The following MNAT1 variants were observed in gnomAD, a reference collection of about 807,000 sequenced individuals.
MNAT1 encodes the protein MNAT1 component of CDK activating kinase.
A neutral mutation model predicts 42.0 loss-of-function variants in MNAT1; 43 were observed. That is an observed-to-expected ratio of 1.02 (90% CI 0.80 to 1.32). The LOEUF is 1.32. MNAT1 is among the 40% of genes most tolerant of loss of function. The pLI is 0.00. For synonymous variants in MNAT1, 118 were observed against 120.0 expected, an observed-to-expected ratio of 0.98 and a Z score of 0.11; for missense variants, 306 against 350.4, an observed-to-expected ratio of 0.87 and a Z score of 1.01.
intron 6 of MNAT1, among the ~76,000 whole-genome samples, chr14:60,875,605 A>T (rs2034420482): frequency 6.6e-6 from 1 of 152,140 alleles, no homozygotes; most frequent in Non-Finnish European, 1.5e-5. Flanking sequence ...AGATATACAT[A>T]CAAAACCCTT....
At chr14:60,952,743 G>A (rs2036407992) in intron 7 of MNAT1, among the ~76,000 whole-genome samples, 1 of 152,096 alleles carries the variant, frequency 6.6e-6, no homozygotes, top group African/African-American at 2.4e-5. Flanking sequence ...TAAACATATT[G>A]GACTATAATT....
chr14:60,876,160 A>G (rs995262945), intron 6 of MNAT1, among the ~76,000 whole-genome samples: 1 of 152,004 alleles, frequency 6.6e-6, no homozygotes, highest in Non-Finnish European at 1.5e-5. Flanking sequence ...AAAATATCCC[A>G]CTCAGGCACT....
intron 6 of MNAT1, among the ~76,000 whole-genome samples, chr14:60,841,666 T>C (rs1364625912): frequency 6.6e-6 from 1 of 152,252 alleles, no homozygotes; most frequent in East Asian, 1.9e-4. Context: ...TACATATTTC[T>C]GTCTTTTTGG....
chr14:60,865,455 G>C (rs905059461), intron 6 of MNAT1, among the ~76,000 whole-genome samples: 1 of 152,030 alleles, frequency 6.6e-6, no homozygotes, highest in Non-Finnish European at 1.5e-5. Context: ...AATTTCTTGC[G>C]AATACTGTTT....
At chr14:60,885,800 T>G (rs2034655684) in intron 7 of MNAT1, among the ~76,000 whole-genome samples, 1 of 152,080 alleles carries the variant, frequency 6.6e-6, no homozygotes, top group Admixed American at 6.6e-5. Flanking sequence ...TTTTCAGTTT[T>G]GTTGCGTATT....
chr14:60,962,922 T>C (rs2036621294), intron 7 of MNAT1, among the ~76,000 whole-genome samples: 4 of 152,226 alleles, frequency 2.6e-5, no homozygotes. Flanking sequence ...AAGAGTAACA[T>C]ATGACTGCCT....
At chr14:60,917,575 A>G (rs182126075) in intron 7 of MNAT1, among the ~76,000 whole-genome samples, 2 of 151,804 alleles carry the variant, frequency 1.3e-5, no homozygotes, top group East Asian at 1.9e-4. Context: ...TGTTGAATCC[A>G]TATTTCAAAT....
rs376483094 is a variant in MNAT1, at chr14:60,897,766, GGCTA to G, written c.809+17932_809+17935del. ...GGTAACCTTTCAAGTCCTCTCTTCT[GGCTA>G]CTTAGAAATATATAACATATTGTTG... On this transcript the variant is annotated intron_variant, in intron 7 of 7. Coordinates refer to ENST00000261245, the MANE Select transcript of MNAT1 (RefSeq NM_002431.4). Among the ~76,000 whole-genome samples the G allele has an allele frequency of 4.3e-3, 649 of 152,068 alleles. 8 individuals carry two copies. The highest frequency in any genetic ancestry group is 0.014 in the African/African-American group (577 of 41,492).
At chr14:60,750,044 A>G (rs1003260479) in intron 1 of MNAT1, among the ~76,000 whole-genome samples, 1 of 152,116 alleles carries the variant, frequency 6.6e-6, no homozygotes, top group African/African-American at 2.4e-5. Flanking sequence ...GGGCCCTACC[A>G]TAGTCTTTCG....
rs570262663 is a variant in MNAT1, at chr14:60,755,036, G to C, written c.89+20085G>C. Among the ~76,000 whole-genome samples the C allele has an allele frequency of 4.6e-5, 7 of 152,016 alleles. No homozygotes were observed. The South Asian group carries it at 1.5e-3, about 32-fold the overall frequency. ...TTTTCCAGAGACAAAATCTCACTCT[G>C]TTGCCTGGGCTAGAGTGCAGTGGCA... On this transcript the variant is annotated intron_variant, in intron 1 of 7. Coordinates refer to ENST00000261245, the MANE Select transcript of MNAT1 (RefSeq NM_002431.4).
At chr14:60,787,122 T>C (rs1177679726) in intron 1 of MNAT1, among the ~76,000 whole-genome samples, 1 of 152,174 alleles carries the variant, frequency 6.6e-6, no homozygotes, top group African/African-American at 2.4e-5. Context: ...TTTCCCTTAT[T>C]ACTCGTATGC....
chr14:60,808,243 C>T (rs2032438281), intron 3 of MNAT1, 82 bp from the exon 4 acceptor site: 1 of 773,794 alleles, frequency 1.3e-6, no homozygotes, highest in East Asian at 3.0e-5. Flanking sequence ...ACAAATGAGT[C>T]ACTGTGGTAT....
chr14:60,825,128 G>C (rs943326688), intron 6 of MNAT1, among the ~76,000 whole-genome samples: 13 of 152,256 alleles, frequency 8.5e-5, no homozygotes, highest in Admixed American at 8.5e-4. Context: ...CTAGAGTCTG[G>C]AACAGGCATT....
intron 7 of MNAT1, among the ~76,000 whole-genome samples, chr14:60,895,358 A>G (rs1363132015): frequency 6.6e-6 from 1 of 152,200 alleles, no homozygotes. Flanking sequence ...TTTTCAAAGA[A>G]TGATTTGAGG....
intron 6 of MNAT1, among the ~76,000 whole-genome samples, chr14:60,877,496 G>A (rs900756481): frequency 1.3e-5 from 2 of 151,986 alleles, no homozygotes; most frequent in African/African-American, 2.4e-5. Context: ...AATAGATAAT[G>A]TGTACTGTGC....
chr14:60,766,768 A>G (rs1358942933), intron 1 of MNAT1, among the ~76,000 whole-genome samples: 4 of 152,228 alleles, frequency 2.6e-5, no homozygotes, highest in Non-Finnish European at 4.4e-5. Context: ...TGAATATCTA[A>G]TACTATTCAT....
At chr14:60,773,309 G>T (rs2031132405) in intron 1 of MNAT1, among the ~76,000 whole-genome samples, 1 of 152,112 alleles carries the variant, frequency 6.6e-6, no homozygotes. Context: ...TGTTATGTTT[G>T]ATGTAGTGAG....
intron 1 of MNAT1, among the ~76,000 whole-genome samples, chr14:60,776,682 G>A (rs925758737): frequency 1.3e-5 from 2 of 152,066 alleles, no homozygotes; most frequent in African/African-American, 2.4e-5. Flanking sequence ...TATGTATTAC[G>A]TATTGAGAAT....
At chr14:60,877,506 C>CAT (rs2139459627) in intron 6 of MNAT1, among the ~76,000 whole-genome samples, 1 of 152,008 alleles carries the variant, frequency 6.6e-6, no homozygotes, top group Non-Finnish European at 1.5e-5. Context: ...GTGTACTGTG[C>CAT]ATCCAACTTA....
Sources: allele counts gnomAD v4.1 joint callset (sites outside exome capture counted in the v4.1 genomes callset), GRCh38; gene constraint gnomAD v4.1.1; transcripts MANE v1.5; gene names NCBI Gene and HGNC (gene_info 2026-07-23, HGNC 2026-07-21).